Variants in ITSN2 observed in about 807,000 individuals in gnomAD.
The protein encoded by ITSN2 is intersectin-2.
ITSN2 carries 156 observed loss-of-function variants against 243.7 expected under a neutral mutation model. The ratio of observed to expected loss-of-function variants is 0.64; its 90% CI spans 0.56 to 0.73. The LOEUF (loss-of-function observed/expected upper bound fraction) is 0.73. ITSN2 is among the 30% of genes least tolerant of loss of function. The probability of loss-of-function intolerance (pLI) is 0.00; values close to 1 mark genes in which losing one functional copy is unlikely to be tolerated. For missense variants in ITSN2, 1,801 were observed against 1,996.1 expected, an observed-to-expected ratio of 0.90 and a Z score of 1.86; for synonymous variants, 703 against 699.9, an observed-to-expected ratio of 1.00 and a Z score of -0.07.
chr2:24,346,124 G>A (rs1468527724), intron 1 of ITSN2, among the ~76,000 whole-genome samples: 5 of 152,262 alleles, frequency 3.3e-5, no homozygotes, highest in Middle Eastern at 3.4e-3. Context: ...CACAAAGATG[G>A]AAAGGCAGAA....
At chr2:24,308,540 A>T (rs1682841179) in intron 8 of ITSN2, 77 bp downstream of exon 8, 1 of 953,878 alleles carries the variant, frequency 1.0e-6, no homozygotes, top group African/African-American at 1.7e-5. Context: ...CACAATACAA[A>T]TTCAAATGAC....
At chr2:24,231,805 A>T (rs1166003800) in intron 29 of ITSN2, among the ~76,000 whole-genome samples, 1 of 152,208 alleles carries the variant, frequency 6.6e-6, no homozygotes, top group African/African-American at 2.4e-5. Context: ...GTCCTTGCCC[A>T]TTTGGAGGGG....
At chr2:24,277,438 G>C (rs1258639221) in intron 17 of ITSN2, among the ~76,000 whole-genome samples, 1 of 152,192 alleles carries the variant, frequency 6.6e-6, no homozygotes, top group Non-Finnish European at 1.5e-5. Context: ...CAACATGTCT[G>C]AGCAAAACAT....
At position 24,203,666 on chromosome 2, in the gene ITSN2, CG is replaced by C; in HGVS notation, c.5053del (p.Arg1685ValfsTer66). 6.2e-7 allele frequency: 1 copy of C among 1,614,132 alleles called. No individual in the cohort carries two copies. Among genetic ancestry groups the C allele is most frequent in the Non-Finnish European group, 8.5e-7 (1 of 1,180,018 alleles). On this transcript the variant is annotated frameshift_variant, in exon 40 of 40. Coordinates refer to ENST00000355123, the MANE Select transcript of ITSN2 (RefSeq NM_006277.3). LOFTEE classifies it high-confidence loss of function. ...TTGCTCAAAAAGCTGCAGGTCAAAA[CG>C]GACCCAGACCTCCCCGGTGGGGACC... ...HEVPTGEVWV[R>X]FDLQLFEQKT...
intron 1 of ITSN2, among the ~76,000 whole-genome samples, chr2:24,344,968 A>C (rs556231986): frequency 4.6e-5 from 7 of 152,214 alleles, no homozygotes; most frequent in Non-Finnish European, 5.9e-5. Context: ...ATAAATAAAA[A>C]GTAAAAATAA....
chr2:24,271,964 TTG>T (rs1209866918), intron 18 of ITSN2, 23 bp from the exon 19 acceptor site: 1 of 1,465,994 alleles, frequency 6.8e-7, no homozygotes, highest in East Asian at 2.4e-5. Flanking sequence ...GAAAAAGAGT[TTG>T]TATAATGTCC....
chr2:24,300,353 A>G (rs1574218396), intron 11 of ITSN2, among the ~76,000 whole-genome samples, 182 bp from the exon 12 acceptor site: 3 of 152,258 alleles, frequency 2.0e-5, no homozygotes, highest in Non-Finnish European at 2.9e-5. Flanking sequence ...AGGATATTCA[A>G]TTTTAGAAAA....
chr2:24,290,371 C>T (rs763482955), intron 15 of ITSN2, among the ~76,000 whole-genome samples: 6 of 151,974 alleles, frequency 3.9e-5, no homozygotes, highest in Non-Finnish European at 8.8e-5. Context: ...TATCCTTTGC[C>T]GTATTTTTCT....
chr2:24,204,259 T>C lies in ITSN2; in HGVS notation c.4922A>G (p.Gln1641Arg). The C allele has an allele frequency of 1.2e-6, 2 of 1,614,072 alleles. No homozygotes were observed. The highest frequency in any genetic ancestry group is 1.7e-6 in the Non-Finnish European group (2 of 1,180,022). The change falls in exon 39 of 40, where the codon CAG (glutamine) becomes CGG (arginine). Residue 1641 changes from glutamine to arginine, a missense_variant. By Grantham distance (43) the Gln-to-Arg change is conservative. This residue lies in a region of ITSN2 where 928 missense variants were observed against 1,065.4 expected (regional missense o/e 0.87). Coordinates refer to ENST00000355123, the MANE Select transcript of ITSN2 (RefSeq NM_006277.3). The surrounding 1 kb of genome is among the most constrained non-coding windows in gnomAD (Gnocchi z 5.1). The stretch of plus-strand genomic sequence containing the variant: ...GCGACACTTACCATCTGGTGAAAAC[T>C]GGTCTCTGTCAAACAGGGTGAGACA... ...VLCLTLFDRD[Q>R]FSPDDFLGRT...
intron 1 of ITSN2, among the ~76,000 whole-genome samples, chr2:24,358,051 C>T (rs1036258992): frequency 6.6e-6 from 1 of 152,116 alleles, no homozygotes; most frequent in Non-Finnish European, 1.5e-5. Flanking sequence ...GTACCTGGGA[C>T]TACAGGCGCA....
intron 11 of ITSN2, among the ~76,000 whole-genome samples, chr2:24,300,656 T>C (rs958607760): frequency 2.6e-5 from 4 of 151,964 alleles, no homozygotes; most frequent in South Asian, 2.1e-4. Flanking sequence ...GAGGCGGAAG[T>C]TGCAGTGAGC....
intron 37 of ITSN2, chr2:24,206,290 A>G (rs927774550): frequency 9.2e-6 from 4 of 436,158 alleles, no homozygotes; most frequent in Admixed American, 2.9e-5. Context: ...ATAAAAAAAC[A>G]CATAAAGAGC....
intron 22 of ITSN2, among the ~76,000 whole-genome samples, chr2:24,259,162 C>T (rs866486685): frequency 3.3e-5 from 5 of 152,182 alleles, no homozygotes; most frequent in East Asian, 1.9e-4. Flanking sequence ...AAACCCATTC[C>T]TCCTGCACTG....
chr2:24,258,542 T>C (rs1001391272), intron 22 of ITSN2, among the ~76,000 whole-genome samples: 1 of 152,210 alleles, frequency 6.6e-6, no homozygotes, highest in African/African-American at 2.4e-5. Flanking sequence ...TTCTATTCTA[T>C]TCATTCTTCT....
intron 1 of ITSN2, among the ~76,000 whole-genome samples, chr2:24,354,583 A>G (rs1688286758): frequency 6.6e-6 from 1 of 152,198 alleles, no homozygotes; most frequent in Non-Finnish European, 1.5e-5. Context: ...ACTAGCTAAT[A>G]TTTCCCCATT....
chr2:24,318,488 T>C (rs925638325), intron 2 of ITSN2, among the ~76,000 whole-genome samples: 2 of 152,206 alleles, frequency 1.3e-5, no homozygotes, highest in African/African-American at 2.4e-5. Flanking sequence ...CATTCAACAA[T>C]GCACTGACAG....
intron 20 of ITSN2, among the ~76,000 whole-genome samples, chr2:24,264,430 A>ATTCT (rs35259448): frequency 0.98 from 148,541 of 151,746 alleles, 72,702 homozygotes; most frequent in East Asian, 0.99. Context: ...TATTTATTAG[A>ATTCT]TTGTCATAGC....
In ITSN2 at chr2:24,310,600, G is replaced by A. The variant is rs1248137887; in HGVS notation, c.445C>T (p.Leu149Phe). ...GGAGTGGGCATCATTAAGGGAGGAA[G>A]GTTGGTCCCTGAAGTCGCAGAAGAC... is the stretch of plus-strand genomic sequence containing the variant. ...SLSSATSGTN[L>F]PPLMMPTPLV... is the part of the protein sequence containing the mutation. Residue 149 changes from leucine (L) to phenylalanine (F), a missense_variant, in exon 6 of 40, where the codon CTT becomes TTT. Physicochemically the swap from Leu to Phe is conservative, Grantham distance 22 (BLOSUM62 0). Coordinates refer to ENST00000355123, the MANE Select transcript of ITSN2 (RefSeq NM_006277.3). The A allele has an allele frequency of 1.2e-6, 2 of 1,614,096 alleles. No homozygotes were observed. The highest frequency in any genetic ancestry group is 2.2e-5 in the East Asian group (1 of 44,880).
Position 24,310,391 on chromosome 2 carries a change from A to G in ITSN2, c.557-11T>C, listed in dbSNP as rs1316146457. The G allele has an allele frequency of 1.2e-6, 2 of 1,611,328 alleles. No homozygotes were observed. The highest frequency in any genetic ancestry group is 4.5e-5 in the East Asian group (2 of 44,868). On this transcript the variant is annotated splice_polypyrimidine_tract_variant and intron_variant, in intron 6 of 39. Coordinates refer to ENST00000355123, the MANE Select transcript of ITSN2 (RefSeq NM_006277.3). ...ACCCATGAGGCAATGCTAAAAAAGA[A>G]AAAGAAGGAAAAGTATGAAAGAAAT...
Sources: allele counts gnomAD v4.1 joint callset (sites outside exome capture counted in the v4.1 genomes callset), GRCh38; gene constraint gnomAD v4.1.1; regional missense constraint gnomAD v4.1.1; non-coding constraint Gnocchi (gnomAD v3.1); transcripts MANE v1.5; gene names NCBI Gene and HGNC (gene_info 2026-07-23, HGNC 2026-07-21).